Variants in ANO4 observed in about 807,000 individuals in gnomAD.
ANO4 encodes anoctamin 4.
A neutral mutation model predicts 141.9 loss-of-function variants in ANO4; 69 were observed. That is an observed-to-expected ratio of 0.49 (90% confidence interval 0.40 to 0.59). ANO4 has a LOEUF of 0.59. Among genes scored for constraint, ANO4 ranks in the 20% least tolerant of loss-of-function variants. The pLI, the probability that ANO4 is intolerant of heterozygous loss-of-function variation, is 0.00. For synonymous variants in ANO4, 350 were observed against 394.3 expected, an observed-to-expected ratio of 0.89 and a Z score of 1.33; for missense variants, 894 against 1,162.2, an observed-to-expected ratio of 0.77 and a Z score of 3.36.
intron 14 of ANO4, among the ~76,000 whole-genome samples, chr12:101,050,758 C>T (rs185908688): frequency 4.6e-5 from 7 of 152,186 alleles, no homozygotes; most frequent in East Asian, 1.9e-4. Context: ...ACAGCAGCTG[C>T]TGTACATGGA....
At chr12:100,844,610 G>C (rs922214863) in intron 1 of ANO4, among the ~76,000 whole-genome samples, 11 of 152,048 alleles carry the variant, frequency 7.2e-5, no homozygotes, top group African/African-American at 2.7e-4. Context: ...TAAGGTAGAG[G>C]GATGTTTCTG....
At chr12:100,862,777 G>A (rs796789654) in intron 1 of ANO4, among the ~76,000 whole-genome samples, 21 of 152,250 alleles carry the variant, frequency 1.4e-4, no homozygotes, top group African/African-American at 5.1e-4. Context: ...GACATCACTA[G>A]GTAATAGGAA....
intron 3 of ANO4, among the ~76,000 whole-genome samples, chr12:100,750,642 C>A (rs921739645): frequency 6.6e-6 from 1 of 152,202 alleles, no homozygotes; most frequent in African/African-American, 2.4e-5. Flanking sequence ...AAACACGCCT[C>A]TGAGTTCCCA....
chr12:101,075,106 G>A (rs1455773036), intron 14 of ANO4, among the ~76,000 whole-genome samples: 4 of 152,158 alleles, frequency 2.6e-5, no homozygotes, highest in Non-Finnish European at 4.4e-5. Context: ...TTCAGGGGGC[G>A]TAGTTACAGA....
At chr12:100,811,780 C>T (rs1157756808) in intron 1 of ANO4, among the ~76,000 whole-genome samples, 1 of 152,090 alleles carries the variant, frequency 6.6e-6, no homozygotes, top group African/African-American at 2.4e-5. Flanking sequence ...TTAATTTTAC[C>T]TGCTGTTGTC....
At chr12:100,881,253 G>A (rs2039554418) in intron 1 of ANO4, among the ~76,000 whole-genome samples, 1 of 151,554 alleles carries the variant, frequency 6.6e-6, no homozygotes, top group Non-Finnish European at 1.5e-5. Flanking sequence ...CCTGCACGTT[G>A]TGCACATGTA....
chr12:101,080,900 T>TATAATATATATATATAC (rs1194122665), intron 15 of ANO4, among the ~76,000 whole-genome samples: 2 of 131,042 alleles, frequency 1.5e-5, no homozygotes, highest in African/African-American at 5.7e-5. Context: ...TATATATATA[T>TATAATATATATATATAC]ACATACACAT....
At chr12:101,088,586 A>C (rs7133935) in intron 17 of ANO4, among the ~76,000 whole-genome samples, 34,792 of 151,760 alleles carry the variant, frequency 0.23, 4,698 homozygotes, top group Non-Finnish European at 0.31. Flanking sequence ...GGCACATAGT[A>C]GATGCTGTGT....
At chr12:101,104,617 ATGTATGTGTG>A (rs1436747310) in intron 22 of ANO4, among the ~76,000 whole-genome samples, 4,950 of 52,756 alleles carry the variant, frequency 0.094, 263 homozygotes, top group African/African-American at 0.23. Flanking sequence ...GTGTGTGTGT[ATGTATGTGTG>A]TATATATATA....
At chr12:100,717,580 C>G (rs977411837) in intron 1 of ANO4, 2 of 399,816 alleles carry the variant, frequency 5.0e-6, no homozygotes, top group Non-Finnish European at 8.8e-6. Flanking sequence ...CCTGGGGCGG[C>G]GGGGCGGAAG....
At chr12:100,961,365 T>C (rs931660109) in intron 5 of ANO4, among the ~76,000 whole-genome samples, 1 of 152,130 alleles carries the variant, frequency 6.6e-6, no homozygotes, top group Non-Finnish European at 1.5e-5. Flanking sequence ...TGGATAGATG[T>C]AGCCATATGA....
chr12:100,955,859 A>T (rs1217949321), intron 5 of ANO4, among the ~76,000 whole-genome samples: 1 of 152,166 alleles, frequency 6.6e-6, no homozygotes, highest in African/African-American at 2.4e-5. Context: ...AACAACATAA[A>T]CGATGGCATG....
chr12:100,907,218 A>T (rs1367046862), intron 2 of ANO4, among the ~76,000 whole-genome samples: 2 of 152,102 alleles, frequency 1.3e-5, no homozygotes, highest in African/African-American at 4.8e-5. Context: ...CACTGTCATT[A>T]TCCATGTTAT....
intron 1 of ANO4, among the ~76,000 whole-genome samples, chr12:100,873,282 T>A (rs928405464): frequency 6.6e-6 from 1 of 152,178 alleles, no homozygotes. Context: ...AACTGGGTAA[T>A]GGGCAGAAGT....
chr12:101,083,194 CA>C (rs201618079), intron 15 of ANO4, among the ~76,000 whole-genome samples: 15 of 149,502 alleles, frequency 1.0e-4, no homozygotes, highest in East Asian at 9.8e-4. Context: ...CCTAAAAATG[CA>C]AAAAAAAATT....
chr12:100,782,788 A>G (rs552176952), intron 3 of ANO4, among the ~76,000 whole-genome samples: 27 of 152,294 alleles, frequency 1.8e-4, no homozygotes, highest in African/African-American at 6.0e-4. Flanking sequence ...TTGTAATACT[A>G]AGGGTATTAT....
intron 1 of ANO4, among the ~76,000 whole-genome samples, chr12:100,872,689 A>G (rs1190731755): frequency 1.3e-5 from 2 of 152,238 alleles, no homozygotes; most frequent in African/African-American, 4.8e-5. Context: ...TTCGGCAGCT[A>G]TAATTTTGTA....
At chr12:101,015,253 C>T (rs572099560) in intron 8 of ANO4, among the ~76,000 whole-genome samples, 13 of 152,276 alleles carry the variant, frequency 8.5e-5, no homozygotes, top group South Asian at 2.1e-4. Flanking sequence ...CAATGTTTTC[C>T]GAGGTGTATG....
intron 2 of ANO4, among the ~76,000 whole-genome samples, chr12:100,902,122 A>G (rs1250825398): frequency 1.3e-5 from 2 of 152,176 alleles, no homozygotes; most frequent in African/African-American, 4.8e-5. Flanking sequence ...AGTTCAGGAA[A>G]GCTCATTATA....
Sources: allele counts gnomAD v4.1 joint callset (sites outside exome capture counted in the v4.1 genomes callset), GRCh38; gene constraint gnomAD v4.1.1; transcripts MANE v1.5; gene names NCBI Gene and HGNC (gene_info 2026-07-23, HGNC 2026-07-21).